Variants in NKIRAS1 observed in about 807,000 individuals in gnomAD.
NKIRAS1 encodes the protein NF-kappa-B inhibitor-interacting Ras-like protein 1.
NKIRAS1 carries 16 observed loss-of-function variants against 19.8 expected under a neutral mutation model. The observed-to-expected ratio is 0.81, with a 90% CI of 0.55 to 1.23. NKIRAS1 has a LOEUF of 1.23. Ranked by LOEUF, NKIRAS1 falls within the 50% of genes most tolerant of loss-of-function variation. The pLI, the probability that NKIRAS1 is intolerant of heterozygous loss-of-function variation, is 0.00. For missense variants in NKIRAS1, 184 were observed against 220.0 expected, an observed-to-expected ratio of 0.84 and a Z score of 1.04; for synonymous variants, 88 against 79.0, an observed-to-expected ratio of 1.11 and a Z score of -0.61.
intron 1 of NKIRAS1, among the ~76,000 whole-genome samples, chr3:23,945,802 G>A (rs1705662384): frequency 6.7e-6 from 1 of 150,362 alleles, no homozygotes. Context: ...AAGCCGCAGC[G>A]CGGCCTGCCG....
chr3:23,931,174 C>A (rs921857279), intron 1 of NKIRAS1, among the ~76,000 whole-genome samples: 6 of 152,136 alleles, frequency 3.9e-5, no homozygotes, highest in Non-Finnish European at 7.3e-5. Context: ...CCATCATTGA[C>A]CTGGTTTCTG....
intron 1 of NKIRAS1, among the ~76,000 whole-genome samples, chr3:23,944,552 G>T (rs1262890840): frequency 6.6e-6 from 1 of 152,094 alleles, no homozygotes; most frequent in African/African-American, 2.4e-5. Context: ...TTACATTCAA[G>T]GTGAAACGCC....
At chr3:23,905,892 C>T (rs577698682) in intron 3 of NKIRAS1, among the ~76,000 whole-genome samples, 1 of 151,968 alleles carries the variant, frequency 6.6e-6, no homozygotes, top group East Asian at 1.9e-4. Flanking sequence ...GGTGCAGTGG[C>T]TCATGCCTAT....
intron 3 of NKIRAS1, among the ~76,000 whole-genome samples, chr3:23,907,648 G>A (rs188626625): frequency 3.4e-4 from 52 of 152,282 alleles, no homozygotes; most frequent in African/African-American, 1.2e-3. Context: ...GGCACTAAAC[G>A]TATAGTTGCC....
At chr3:23,935,873 A>G (rs1705382917) in intron 1 of NKIRAS1, among the ~76,000 whole-genome samples, 1 of 152,124 alleles carries the variant, frequency 6.6e-6, no homozygotes, top group Non-Finnish European at 1.5e-5. Flanking sequence ...TGAGCTCAGG[A>G]GTTCAAGACC....
At chr3:23,937,589 A>G (rs1385699930) in intron 1 of NKIRAS1, among the ~76,000 whole-genome samples, 1 of 151,590 alleles carries the variant, frequency 6.6e-6, no homozygotes, top group Non-Finnish European at 1.5e-5. Flanking sequence ...GGGAAAAAGT[A>G]GGATCTCTTT....
intron 4 of NKIRAS1, among the ~76,000 whole-genome samples, chr3:23,897,135 T>C (rs1702071633): frequency 1.3e-5 from 2 of 151,606 alleles, no homozygotes; most frequent in Non-Finnish European, 2.9e-5. Flanking sequence ...CACTGGAGCC[T>C]GGGAGTTTTA....
At chr3:23,928,073 A>T (rs1353087821) in intron 1 of NKIRAS1, among the ~76,000 whole-genome samples, 1 of 146,524 alleles carries the variant, frequency 6.8e-6, no homozygotes, top group Non-Finnish European at 1.5e-5. Flanking sequence ...AACAAGACAC[A>T]CTCTCTCTCC....
chr3:23,900,080 T>G (rs1702360150), intron 4 of NKIRAS1, among the ~76,000 whole-genome samples: 1 of 152,084 alleles, frequency 6.6e-6, no homozygotes, highest in Admixed American at 6.5e-5. Flanking sequence ...CAGAATCCCT[T>G]GAACCTGGGA....
Position 23,892,574 on chromosome 3 carries a change from A to T in NKIRAS1, c.*521T>A, listed in dbSNP as rs1017305623. The T allele has an allele frequency of 6.6e-6, 1 of 152,264 alleles. No homozygotes were observed. The highest frequency in any genetic ancestry group is 2.4e-5 in the African/African-American group (1 of 41,452). 9.4% of individuals were successfully genotyped at this position (152,264 alleles called of 1,614,324 possible). A position where few individuals can be genotyped will look rare whatever the true frequency, so the allele number is the denominator to read the frequency against. On this transcript the variant is annotated 3_prime_UTR_variant, in exon 5 of 5. Transcript: ENST00000425478. ...TCATGGGTCTTAGTCTGTTTAGCAAAATCTCCACAAGATGAAATTTAGCTT... is the reference window on the plus strand; with the variant it reads ...TCATGGGTCTTAGTCTGTTTAGCAATATCTCCACAAGATGAAATTTAGCTT...
At position 23,893,007 on chromosome 3, in the gene NKIRAS1, G is replaced by T; in HGVS notation, c.*88C>A. 5.2e-6 allele frequency: 7 copies of T among 1,339,670 alleles called. No individual in the cohort carries two copies. Among genetic ancestry groups the T allele is most frequent in the Non-Finnish European group, 7.0e-6 (7 of 1,006,418 alleles). The allele number at this position is 1,339,670 out of a possible 1,614,324, so 83.0% of individuals were successfully genotyped here. The stretch of plus-strand genomic sequence containing the variant: ...TAAGGACCAAAGGTAGATACAAATG[G>T]CCTATTTTAAATAGTAATATTACTC... On this transcript the variant is annotated 3_prime_UTR_variant, in exon 5 of 5. Transcript: ENST00000425478.
intron 1 of NKIRAS1, 154 bp downstream of exon 1, chr3:23,916,630 G>A (rs1425502976): frequency 2.6e-5 from 4 of 152,612 alleles, no homozygotes; most frequent in South Asian, 4.1e-4. Flanking sequence ...GGCCTCCCTG[G>A]GAGGCTGGGG....
chr3:23,913,040 CAAAAAAAAAAAA>C (rs1169515621), intron 1 of NKIRAS1, among the ~76,000 whole-genome samples: 3 of 47,708 alleles, frequency 6.3e-5, no homozygotes, highest in South Asian at 1.3e-3. Context: ...GACTCCGTCT[CAAAAAAAAAAAA>C]AAAAAAAAAA....
intron 3 of NKIRAS1, 147 bp downstream of exon 3, chr3:23,910,664 T>TC (rs1215923790): frequency 1.7e-5 from 11 of 628,848 alleles, no homozygotes; most frequent in Admixed American, 1.1e-4. Flanking sequence ...TTTTCCCTCC[T>TC]CTTTTCTTAC....
At position 23,946,047 on chromosome 3, in the gene NKIRAS1, T is replaced by C. The variant is rs549840300; in HGVS notation, c.-140+276A>G. 1,636 of 953,272 alleles carry C rather than the reference T, an allele frequency of 1.7e-3. 19 individuals carry two copies. In the African/African-American group the frequency reaches 0.026, roughly 15 times the overall value. The allele number at this position is 953,272 out of a possible 1,614,324, so 59.1% of individuals were successfully genotyped here. A position where few individuals can be genotyped will look rare whatever the true frequency, so the allele number is the denominator to read the frequency against. On this transcript the variant is annotated intron_variant, in intron 1 of 4. Transcript: ENST00000421515. The stretch of plus-strand genomic sequence containing the variant: ...GGGGCGGGGGCGCGCGCGCGCGCGC[T>C]GGCTGGGAGCGCCGCAGCCTCCCGG...
chr3:23,937,674 C>A (rs890353954), intron 1 of NKIRAS1, among the ~76,000 whole-genome samples: 1 of 151,552 alleles, frequency 6.6e-6, no homozygotes, highest in African/African-American at 2.4e-5. Flanking sequence ...AACTGTCATG[C>A]AACTTTTCTT....
rs1258787303 is a variant in NKIRAS1 at position 23,890,058 on chromosome 3, G to C, written c.*3037C>G. On this transcript the variant is annotated 3_prime_UTR_variant, in exon 5 of 5. Transcript: ENST00000425478. ...GCCTGGCAACCTGGCTCTTTAACCAGCGTAAAGGTTAATAGTGTTGCACTG... is the reference window on the plus strand; with the variant it reads ...GCCTGGCAACCTGGCTCTTTAACCACCGTAAAGGTTAATAGTGTTGCACTG... Among the ~76,000 whole-genome samples the C allele has an allele frequency of 6.6e-6, 1 of 152,116 alleles. No homozygotes were observed. Among genetic ancestry groups the C allele is most frequent in the Non-Finnish European group, 1.5e-5 (1 of 68,024 alleles).
chr3:23,946,025 G>C (rs868183613), intron 1 of NKIRAS1: 27 of 821,396 alleles, frequency 3.3e-5, no homozygotes, highest in Non-Finnish European at 3.8e-5. Context: ...ACACGTGGGG[G>C]CGGGGGCGCG....
At chr3:23,920,020 C>T, upstream of NKIRAS1, 1 of 986,520 alleles carries the variant, frequency 1.0e-6, no homozygotes. Context: ...GCTCCTGGTT[C>T]AGTGCCATGG....
Sources: gnomAD v4.1 joint callset for allele counts (sites outside exome capture counted in the v4.1 genomes callset) on GRCh38, gnomAD v4.1.1 for gene constraint, MANE v1.5 for transcripts, NCBI Gene and HGNC (gene_info 2026-07-23, HGNC 2026-07-21) for gene names.